The following TTC12 variants were observed in gnomAD, a reference collection of about 807,000 sequenced individuals.
The protein encoded by TTC12 is tetratricopeptide repeat protein 12.
In TTC12, 70 loss-of-function variants were observed where a neutral mutation model predicts 90.1. The observed-to-expected ratio is 0.78, with a 90% confidence interval of 0.64 to 0.95. The LOEUF (loss-of-function observed/expected upper bound fraction) is 0.95. Ranked by LOEUF, TTC12 falls within the 40% of genes least tolerant of loss-of-function variation. The pLI, the probability that TTC12 is intolerant of heterozygous loss-of-function variation, is 0.00. For synonymous variants in TTC12, 296 were observed against 311.5 expected, an observed-to-expected ratio of 0.95 and a Z score of 0.53; for missense variants, 819 against 846.1, an observed-to-expected ratio of 0.97 and a Z score of 0.40.
intron 4 of TTC12, 66 bp downstream of exon 4, chr11:113,324,081 C>A: frequency 1.6e-6 from 2 of 1,278,918 alleles, no homozygotes; most frequent in Non-Finnish European, 2.2e-6. Context: ...TTGATTGTAG[C>A]TCCCAGACCC....
intron 6 of TTC12, among the ~76,000 whole-genome samples, chr11:113,327,505 A>G (rs913474562): frequency 6.6e-6 from 1 of 152,216 alleles, no homozygotes; most frequent in African/African-American, 2.4e-5. Context: ...TGTTATGATC[A>G]ATAGATTGCC....
chr11:113,320,833 C>T (rs1282337403), intron 2 of TTC12, among the ~76,000 whole-genome samples: 9 of 152,164 alleles, frequency 5.9e-5, no homozygotes, highest in Non-Finnish European at 8.8e-5. Flanking sequence ...AACAGGCAAG[C>T]CACACCCCTG....
rs991591617 is a variant in TTC12, at chr11:113,330,065, T to A, written c.504+86T>A. 1.3e-5 allele frequency: 14 copies of A among 1,046,082 alleles called. No individual in the cohort carries two copies. The Admixed American group carries it at 2.4e-4, about 18-fold the overall frequency. The allele number at this position is 1,046,082 out of a possible 1,614,324, so 64.8% of individuals were successfully genotyped here. A position where few individuals can be genotyped will look rare whatever the true frequency, so the allele number is the denominator to read the frequency against. ...GCCAGTGTATCAAGATAGGAAAGGG[T>A]ATAGCCTCTGTAGCCAGAGCTTCAG... is the stretch of plus-strand genomic sequence containing the variant. On this transcript the variant is annotated intron_variant, in intron 7 of 21. Coordinates refer to ENST00000529221, the MANE Select transcript of TTC12 (RefSeq NM_017868.4).
chr11:113,346,826 A>G (rs782605537), intron 13 of TTC12, among the ~76,000 whole-genome samples: 1 of 151,822 alleles, frequency 6.6e-6, no homozygotes, highest in African/African-American at 2.4e-5. Flanking sequence ...TAATATTTTT[A>G]TAATCATTTT....
intron 21 of TTC12, 135 bp downstream of exon 21, chr11:113,365,195 T>A: frequency 1.3e-6 from 1 of 754,482 alleles, no homozygotes; most frequent in Middle Eastern, 3.9e-4. Context: ...AGACCTAGGT[T>A]AAGCCCAGTA....
At chr11:113,323,206 G>GAT in intron 2 of TTC12, 82 bp from the exon 3 acceptor site, 1 of 1,087,710 alleles carries the variant, frequency 9.2e-7, no homozygotes, top group Admixed American at 3.0e-5. Flanking sequence ...TCTTTCCCAT[G>GAT]CATTTTATGC....
In TTC12 at chr11:113,362,462, T is replaced by G. The variant is rs782217676; in HGVS notation, c.1676T>G (p.Leu559Trp). The change falls in exon 19 of 22, where the codon TTG (leucine) becomes TGG (tryptophan). Residue 559 changes from leucine to tryptophan, a missense_variant. Transcript: ENST00000529221. ...SSSLKIVEEA[L>W]RAGVVKKMMK... is the part of the protein sequence containing the mutation. ...TCTCTGAAAATTGTTGAGGAGGCCT[T>G]GCGAGCAGGAGTGGTAAAGAAAATG... 5.6e-6 allele frequency: 9 copies of G among 1,613,922 alleles called. No individual in the cohort carries two copies. The highest frequency in any genetic ancestry group is 6.8e-6 in the Non-Finnish European group (8 of 1,179,896).
chr11:113,329,895 A>G (rs1215945773), intron 6 of TTC12, 25 bp from the exon 7 acceptor site: 5 of 1,603,106 alleles, frequency 3.1e-6, no homozygotes, highest in East Asian at 2.2e-5. Context: ...TTGTGTGTGA[A>G]TATCAGCTGT....
intron 8 of TTC12, among the ~76,000 whole-genome samples, chr11:113,338,153 A>G (rs1948482107): frequency 6.6e-6 from 1 of 152,110 alleles, no homozygotes; most frequent in Non-Finnish European, 1.5e-5. Flanking sequence ...CAGTTCTTAT[A>G]TTCTTGTGAG....
chr11:113,351,937 G>A, intron 15 of TTC12, 133 bp from the exon 16 acceptor site: 1 of 1,054,786 alleles, frequency 9.5e-7, no homozygotes, highest in Admixed American at 2.9e-5. Flanking sequence ...TGAGACCCCA[G>A]GGATGCCCCT....
chr11:113,352,154 C>G lies in TTC12; in HGVS notation c.1393C>G (p.Arg465Gly), dbSNP rs782642031. ...AAACCTCAGTGCTGAGCCCACTACCCGAAGACACATGGCGGCCTGTGAGGA... is the reference window on the plus strand; with the variant it reads ...AAACCTCAGTGCTGAGCCCACTACCGGAAGACACATGGCGGCCTGTGAGGA... ...MGNLSAEPTT[R>G]RHMAACEEFG... The change falls in exon 16 of 22, where the codon CGA becomes GGA. Residue 465 changes from arginine to glycine, a missense_variant. Physicochemically the swap from Arg to Gly is moderately radical, Grantham distance 125. Coordinates refer to ENST00000529221, the MANE Select transcript of TTC12 (RefSeq NM_017868.4). The G allele has an allele frequency of 6.2e-7, 1 of 1,614,230 alleles. No individual in the cohort carries two copies. Among genetic ancestry groups the G allele is most frequent in the Non-Finnish European group, 8.5e-7 (1 of 1,180,040 alleles).
intron 4 of TTC12, 91 bp downstream of exon 4, chr11:113,324,106 T>C: frequency 9.5e-7 from 1 of 1,054,866 alleles, no homozygotes; most frequent in Non-Finnish European, 1.4e-6. Context: ...ATTATTGCCT[T>C]TGAGCTTACA....
chr11:113,372,347 T>A (rs902653026), intron 21 of TTC12, among the ~76,000 whole-genome samples: 1 of 152,202 alleles, frequency 6.6e-6, no homozygotes, highest in African/African-American at 2.4e-5. Context: ...TTCTAAGCCA[T>A]CATGCACACT....
At chr11:113,344,755 G>A (rs564864848) in intron 13 of TTC12, among the ~76,000 whole-genome samples, 48 of 152,192 alleles carry the variant, frequency 3.2e-4, no homozygotes, top group African/African-American at 9.6e-4. Context: ...CTTTGGCCTC[G>A]GTCCTATCTC....
At chr11:113,367,828 G>A (rs1950262833), downstream of TTC12, among the ~76,000 whole-genome samples, 1 of 143,330 alleles carries the variant, frequency 7.0e-6, no homozygotes, top group Non-Finnish European at 1.6e-5. Context: ...GGCGCCCTGG[G>A]TGGCAAGCAA....
At position 113,359,475 on chromosome 11, in the gene TTC12, G is replaced by A. The variant is rs553603367; in HGVS notation, c.1545+14G>A. The A allele has an allele frequency of 2.5e-6, 4 of 1,582,414 alleles. No homozygotes were observed. The highest frequency in any genetic ancestry group is 3.5e-6 in the Non-Finnish European group (4 of 1,151,518). On this transcript the variant is annotated intron_variant, in intron 17 of 21. Transcript: ENST00000529221. ...TTTGTCTCTGAGGTATGGCATTCTT[G>A]TCTCCCTGCCTGGAGCCCTGGGACA... is the stretch of plus-strand genomic sequence containing the variant.
At chr11:113,347,507 G>A (rs1243127153) in intron 13 of TTC12, among the ~76,000 whole-genome samples, 2 of 152,086 alleles carry the variant, frequency 1.3e-5, no homozygotes, top group African/African-American at 4.8e-5. Flanking sequence ...CACCTCCCAA[G>A]GTAGCCAACT....
At chr11:113,320,418 G>C (rs189196595) in intron 2 of TTC12, among the ~76,000 whole-genome samples, 3 of 152,108 alleles carry the variant, frequency 2.0e-5, no homozygotes, top group Admixed American at 2.0e-4. Context: ...AGGAATGTCT[G>C]AACGCCGAGA....
In TTC12 at chr11:113,363,931, A is replaced by T; in HGVS notation, c.1816+4A>T. 6.2e-7 allele frequency: 1 copy of T among 1,603,162 alleles called. No individual in the cohort carries two copies. The highest frequency in any genetic ancestry group is 8.5e-7 in the Non-Finnish European group (1 of 1,170,208). On this transcript the variant is annotated splice_donor_region_variant and intron_variant, in intron 20 of 21. Transcript: ENST00000529221. ...GAAGTAATAAGACTGGATAAAAGTA[A>T]GTGATGATTTCCTTAAGGGAGCCCT...
Sources: gnomAD v4.1 joint callset for allele counts (sites outside exome capture counted in the v4.1 genomes callset) on GRCh38, gnomAD v4.1.1 for gene constraint, MANE v1.5 for transcripts, NCBI Gene and HGNC (gene_info 2026-07-23, HGNC 2026-07-21) for gene names.